Variants in QTMAN observed in about 807,000 individuals in gnomAD.
QTMAN encodes the protein queuosine-tRNA mannosyltransferase, also known as tRNA-queuosine alpha-mannosyltransferase.
the QTMAN span, among the ~76,000 whole-genome samples, chr2:144,098,847 G>GAAA: frequency 2.2e-5 from 3 of 134,410 alleles, no homozygotes; most frequent in Admixed American, 1.5e-4. Context: ...ATTTCTCTTA[G>GAAA]AAAAAAAAAA....
the QTMAN span, among the ~76,000 whole-genome samples, chr2:144,043,227 TTGTGTGTGTGTGTG>T: frequency 2.0e-4 from 29 of 148,596 alleles, no homozygotes; most frequent in Non-Finnish European, 6.0e-5. Flanking sequence ...ATGTGTGAAT[TTGTGTGTGTGTGTG>T]TGTGTGTGTG....
At chr2:143,959,063 A>T in the QTMAN span, among the ~76,000 whole-genome samples, 1 of 151,914 alleles carries the variant, frequency 6.6e-6, no homozygotes, top group Non-Finnish European at 1.5e-5. Context: ...TACTAGTTTA[A>T]TCAATCAATA....
the QTMAN span, among the ~76,000 whole-genome samples, chr2:144,172,686 TAG>T: frequency 1.7e-4 from 26 of 151,682 alleles, no homozygotes; most frequent in South Asian, 4.4e-3. Context: ...ACTGCCCTTT[TAG>T]AAAGTTATTT....
At chr2:143,949,098 C>T in the QTMAN span, among the ~76,000 whole-genome samples, 2 of 151,934 alleles carry the variant, frequency 1.3e-5, no homozygotes, top group East Asian at 1.9e-4. Flanking sequence ...CTCTAACAAT[C>T]CTAAGCCAAG....
chr2:144,073,252 A>T, the QTMAN span, among the ~76,000 whole-genome samples: 4 of 148,744 alleles, frequency 2.7e-5, no homozygotes, highest in Non-Finnish European at 5.9e-5. Flanking sequence ...TTATATATTT[A>T]TATATATATC....
chr2:144,225,712 A>T, the QTMAN span, among the ~76,000 whole-genome samples: 1 of 152,234 alleles, frequency 6.6e-6, no homozygotes, highest in East Asian at 1.9e-4. Flanking sequence ...TTCAAATTTC[A>T]TCTCATCCGT....
the QTMAN span, among the ~76,000 whole-genome samples, chr2:144,194,010 C>T: frequency 2.0e-5 from 3 of 152,218 alleles, no homozygotes; most frequent in South Asian, 4.2e-4. Flanking sequence ...TGGTTTCGGG[C>T]CAAACACTCT....
chr2:144,332,304 A>C, the QTMAN span: 1 of 149,852 alleles, frequency 6.7e-6, no homozygotes, highest in African/African-American at 2.4e-5. Flanking sequence ...CCCGCGCCGC[A>C]GCCGCCGCTG....
At chr2:144,061,007 G>C in the QTMAN span, among the ~76,000 whole-genome samples, 1 of 151,424 alleles carries the variant, frequency 6.6e-6, no homozygotes, top group African/African-American at 2.4e-5. Context: ...TTTTTTTAGT[G>C]AACTGTTCTT....
chr2:144,102,121 CAG>C, the QTMAN span, among the ~76,000 whole-genome samples: 1 of 152,176 alleles, frequency 6.6e-6, no homozygotes, highest in Non-Finnish European at 1.5e-5. Flanking sequence ...TGGTAAATGA[CAG>C]AGCTTGGTCT....
the QTMAN span, among the ~76,000 whole-genome samples, chr2:144,136,448 AGG>A: frequency 1.4e-5 from 2 of 144,922 alleles, no homozygotes; most frequent in African/African-American, 5.2e-5. Context: ...AAGAAAGGAA[AGG>A]AGAAAGGAGG....
the QTMAN span, among the ~76,000 whole-genome samples, chr2:144,054,892 T>G: frequency 6.6e-6 from 1 of 152,204 alleles, no homozygotes. Context: ...AAGTGTGATA[T>G]CCACTGATCA....
At chr2:144,019,583 G>T in the QTMAN span, among the ~76,000 whole-genome samples, 1 of 152,008 alleles carries the variant, frequency 6.6e-6, no homozygotes, top group Non-Finnish European at 1.5e-5. Flanking sequence ...GTACACTTGT[G>T]GAGCGAAACT....
At chr2:144,208,467 TA>T in the QTMAN span, 1 of 718,430 alleles carries the variant, frequency 1.4e-6, no homozygotes, top group Non-Finnish European at 2.3e-6. Flanking sequence ...CTGCTCTCTC[TA>T]AAGAAATATC....
chr2:144,202,894 T>C, the QTMAN span, among the ~76,000 whole-genome samples: 6 of 152,338 alleles, frequency 3.9e-5, no homozygotes, highest in East Asian at 1.2e-3. Flanking sequence ...GAAGTTGCAC[T>C]GAAGCGCTTA....
At chr2:144,167,277 T>C in the QTMAN span, among the ~76,000 whole-genome samples, 350 of 152,298 alleles carry the variant, frequency 2.3e-3, no homozygotes, top group Non-Finnish European at 4.1e-3. Flanking sequence ...TTATGAAAAC[T>C]CAATCATCCT....
At chr2:144,155,744 C>T in the QTMAN span, among the ~76,000 whole-genome samples, 1 of 152,120 alleles carries the variant, frequency 6.6e-6, no homozygotes, top group African/African-American at 2.4e-5. Flanking sequence ...TCTCTTGAGG[C>T]GCAAGCCTGA....
chr2:144,204,497 G>T, the QTMAN span, among the ~76,000 whole-genome samples: 3 of 152,138 alleles, frequency 2.0e-5, no homozygotes, highest in Admixed American at 2.0e-4. Flanking sequence ...AAAACAACAG[G>T]TGCTGGAGAG....
chr2:144,285,451 G>T, the QTMAN span, among the ~76,000 whole-genome samples: 1 of 152,182 alleles, frequency 6.6e-6, no homozygotes, highest in Non-Finnish European at 1.5e-5. Context: ...TATAAGGAAG[G>T]GATCATCACC....
Sources: allele counts gnomAD v4.1 joint callset (sites outside exome capture counted in the v4.1 genomes callset), GRCh38; gene constraint gnomAD v4.1.1; transcripts MANE v1.5; gene names NCBI Gene and HGNC (gene_info 2026-07-23, HGNC 2026-07-21).